Variants in KCNT2 observed in about 807,000 individuals in gnomAD.
KCNT2 encodes potassium channel subfamily T member 2.
KCNT2 carries 67 observed loss-of-function variants against 153.8 expected under a neutral mutation model. That is an observed-to-expected ratio of 0.44 (90% CI 0.36 to 0.53). KCNT2 has a LOEUF of 0.53. Ranked by LOEUF, KCNT2 falls within the 20% of genes least tolerant of loss-of-function variation. The probability of loss-of-function intolerance (pLI) is 0.00; values close to 1 mark genes in which losing one functional copy is unlikely to be tolerated. For synonymous variants in KCNT2, 500 were observed against 458.8 expected (o/e 1.09, Z -1.15); for missense variants, 975 against 1,354.8 (o/e 0.72, Z 4.40).
rs1234397403 is a variant in KCNT2, at chr1:196,225,948, T to A, written c.*2276A>T. On this transcript the variant is annotated 3_prime_UTR_variant, in exon 28 of 28. Coordinates refer to ENST00000294725, the MANE Select transcript of KCNT2 (RefSeq NM_198503.5). Reference sequence around the variant, plus strand: ...GTATAATTATTTTAAAAAGGCAACATTTCATTAAAAGTCTTTTATAAGCAT... The same window carrying A: ...GTATAATTATTTTAAAAAGGCAACAATTCATTAAAAGTCTTTTATAAGCAT... 1.3e-5 allele frequency: 2 copies of A among 152,128 alleles called. No homozygotes were observed. Among genetic ancestry groups the A allele is most frequent in the East Asian group, 3.8e-4 (2 of 5,196 alleles). The allele number at this position is 152,128 out of a possible 1,614,324, so 9.4% of individuals were successfully genotyped here. A position where few individuals can be genotyped will look rare whatever the true frequency, so the allele number is the denominator to read the frequency against.
At chr1:196,526,224 A>G (rs575049876) in intron 1 of KCNT2, among the ~76,000 whole-genome samples, 2 of 152,058 alleles carry the variant, frequency 1.3e-5, no homozygotes, top group African/African-American at 4.8e-5. Context: ...TACATAAAAA[A>G]TGTTCATGTA....
At chr1:196,589,991 A>T (rs886582971) in intron 1 of KCNT2, among the ~76,000 whole-genome samples, 1 of 152,200 alleles carries the variant, frequency 6.6e-6, no homozygotes, top group Non-Finnish European at 1.5e-5. Flanking sequence ...AATAGTGTGT[A>T]GAGTACAATA....
chr1:196,422,539 T>A (rs983970195), intron 12 of KCNT2, among the ~76,000 whole-genome samples: 1 of 151,974 alleles, frequency 6.6e-6, no homozygotes, highest in Non-Finnish European at 1.5e-5. Context: ...AAAAAATGCA[T>A]CATAAATATC....
intron 1 of KCNT2, among the ~76,000 whole-genome samples, chr1:196,599,234 GT>G (rs1423246060): frequency 6.6e-6 from 1 of 152,198 alleles, no homozygotes; most frequent in Non-Finnish European, 1.5e-5. Flanking sequence ...ACAACTAGTT[GT>G]TTATAATATG....
chr1:196,325,456 G>A (rs1180532676), intron 19 of KCNT2, among the ~76,000 whole-genome samples: 1 of 152,086 alleles, frequency 6.6e-6, no homozygotes, highest in Non-Finnish European at 1.5e-5. Flanking sequence ...CACACAGTTA[G>A]GCATCCCTCC....
chr1:196,496,371 G>A (rs572100554), intron 1 of KCNT2, among the ~76,000 whole-genome samples: 10 of 151,906 alleles, frequency 6.6e-5, no homozygotes, highest in Non-Finnish European at 1.2e-4. Context: ...TGGAGGCTGC[G>A]GAAGGAGAAT....
At chr1:196,336,118 A>T (rs1665004130) in intron 16 of KCNT2, among the ~76,000 whole-genome samples, 1 of 152,074 alleles carries the variant, frequency 6.6e-6, no homozygotes, top group Non-Finnish European at 1.5e-5. Context: ...TTGCATCATT[A>T]ATAGTCTCTC....
At position 196,443,116 on chromosome 1, in the gene KCNT2, T is replaced by C. The variant is rs557674899; in HGVS notation, c.639-13359A>G. 2.6e-5 allele frequency among the ~76,000 whole-genome samples: 4 copies of C among 151,714 alleles called. No homozygotes were observed. The South Asian group carries it at 6.2e-4, about 24-fold the overall frequency. On this transcript the variant is annotated intron_variant, in intron 8 of 27. Coordinates refer to ENST00000294725, the MANE Select transcript of KCNT2 (RefSeq NM_198503.5). ...GTAACAAAGCAGGAAGTGTTAAGAATGCCTCCTACGTATCTGGATTGCTCA... is the reference window on the plus strand; with the variant it reads ...GTAACAAAGCAGGAAGTGTTAAGAACGCCTCCTACGTATCTGGATTGCTCA...
rs148301462 is a variant in KCNT2, at chr1:196,363,301, A to C, written c.1403+9839T>G. On this transcript the variant is annotated intron_variant, in intron 14 of 27. Coordinates refer to ENST00000294725, the MANE Select transcript of KCNT2 (RefSeq NM_198503.5). ...GTTGTTTCTTTTGACCAGCCCCCAT[A>C]TAATTCTGAGCAATTCCTTACTTTC... Among the ~76,000 whole-genome samples, 820 of 152,150 alleles carry C rather than the reference A, an allele frequency of 5.4e-3. 4 individuals carry two copies. The highest frequency in any genetic ancestry group is 0.019 in the African/African-American group (775 of 41,530).
intron 5 of KCNT2, 27 bp downstream of exon 5, chr1:196,479,151 CG>C: frequency 7.5e-7 from 1 of 1,340,884 alleles, no homozygotes; most frequent in East Asian, 2.3e-5. Context: ...GTTCTATCAG[CG>C]GGAAACTGCT....
At chr1:196,551,920 T>C (rs1180683534) in intron 1 of KCNT2, among the ~76,000 whole-genome samples, 4 of 151,560 alleles carry the variant, frequency 2.6e-5, no homozygotes, top group Non-Finnish European at 5.9e-5. Flanking sequence ...GTTGTGCCTA[T>C]AACTAAACAC....
chr1:196,383,597 G>A (rs533204065), intron 13 of KCNT2, among the ~76,000 whole-genome samples: 9 of 152,232 alleles, frequency 5.9e-5, no homozygotes, highest in Non-Finnish European at 1.0e-4. Flanking sequence ...TACTTTATGG[G>A]CTGAACAGTA....
At chr1:196,297,166 G>A (rs1289798752) in intron 22 of KCNT2, among the ~76,000 whole-genome samples, 1 of 151,696 alleles carries the variant, frequency 6.6e-6, no homozygotes, top group Non-Finnish European at 1.5e-5. Flanking sequence ...ATATGTTTAT[G>A]AAAAGACAAT....
intron 1 of KCNT2, among the ~76,000 whole-genome samples, chr1:196,498,635 A>G (rs1231470649): frequency 1.3e-5 from 2 of 152,158 alleles, no homozygotes; most frequent in Non-Finnish European, 2.9e-5. Context: ...GAGTTAATAT[A>G]CATAGCTCCC....
At chr1:196,234,846 CAT>C (rs930360637) in intron 27 of KCNT2, among the ~76,000 whole-genome samples, 5 of 151,384 alleles carry the variant, frequency 3.3e-5, no homozygotes, top group African/African-American at 4.8e-5. Context: ...TCCAACAAAA[CAT>C]GTGGATCTTT....
At chr1:196,415,690 T>C (rs1253469640) in intron 12 of KCNT2, among the ~76,000 whole-genome samples, 1 of 151,784 alleles carries the variant, frequency 6.6e-6, no homozygotes, top group African/African-American at 2.4e-5. Context: ...CATCCAAACA[T>C]AAAACAATTA....
chr1:196,492,434 T>C, intron 1 of KCNT2, 93 bp from the exon 2 acceptor site: 2 of 950,638 alleles, frequency 2.1e-6, no homozygotes, highest in Non-Finnish European at 2.8e-6. Flanking sequence ...TCTGTAGTTC[T>C]CTAACTTAAA....
At chr1:196,568,780 C>CTTTT (rs10566305) in intron 1 of KCNT2, among the ~76,000 whole-genome samples, 1 of 145,060 alleles carries the variant, frequency 6.9e-6, no homozygotes, top group Non-Finnish European at 1.5e-5. Context: ...TAATAATGAG[C>CTTTT]TTTTTTTTTT....
Position 196,599,468 on chromosome 1 carries a change from TC to T in KCNT2, c.95+8746del, listed in dbSNP as rs1183854789. Among the ~76,000 whole-genome samples, 4 of 152,320 alleles carry T rather than the reference TC, an allele frequency of 2.6e-5. No individual in the cohort carries two copies. The South Asian group carries it at 8.3e-4, about 32-fold the overall frequency. On this transcript the variant is annotated intron_variant, in intron 1 of 27. Transcript: ENST00000294725. ...TCTGGCTTTATATGCAAAGTCCATT[TC>T]TTACCCATATTTACATACTGTGAAA...
Sources: gnomAD v4.1 joint callset for allele counts (sites outside exome capture counted in the v4.1 genomes callset) on GRCh38, gnomAD v4.1.1 for gene constraint, MANE v1.5 for transcripts, NCBI Gene and HGNC (gene_info 2026-07-23, HGNC 2026-07-21) for gene names.